SH3RF1: variants seen among roughly 807,000 people sequenced by gnomAD.
SH3RF1 encodes the protein E3 ubiquitin-protein ligase SH3RF1.
Under a neutral mutation model 74.0 loss-of-function variants are expected in SH3RF1, and 32 were observed. The ratio of observed to expected loss-of-function variants is 0.43; its 90% CI spans 0.33 to 0.58. The LOEUF is 0.58. SH3RF1 is among the 20% of genes least tolerant of loss of function. The probability of loss-of-function intolerance (pLI) is 0.05; values close to 1 mark genes in which losing one functional copy is unlikely to be tolerated. For missense variants in SH3RF1, 954 were observed against 1,130.9 expected (o/e 0.84, Z 2.24); for synonymous variants, 396 against 439.6 (o/e 0.90, Z 1.24).
chr4:169,245,801 T>A (rs1730987178), intron 2 of SH3RF1, among the ~76,000 whole-genome samples: 1 of 152,202 alleles, frequency 6.6e-6, no homozygotes, highest in African/African-American at 2.4e-5. Context: ...TAAGTAATTT[T>A]TAATGTTACC....
At chr4:169,145,867 GTATTCTATATAT>G (rs1424857378) in intron 4 of SH3RF1, among the ~76,000 whole-genome samples, 9 of 80,824 alleles carry the variant, frequency 1.1e-4, no homozygotes, top group Non-Finnish European at 2.5e-5. Context: ...TATAAAATAT[GTATTCTATATAT>G]TATTCTATAT....
chr4:169,111,959 T>C (rs1265206131), intron 10 of SH3RF1, among the ~76,000 whole-genome samples: 2 of 152,176 alleles, frequency 1.3e-5, no homozygotes, highest in South Asian at 2.1e-4. Flanking sequence ...AATAAAATAC[T>C]GTTCAAAGGA....
chr4:169,131,722 A>T (rs1174305588), intron 5 of SH3RF1, among the ~76,000 whole-genome samples: 1 of 152,242 alleles, frequency 6.6e-6, no homozygotes, highest in Non-Finnish European at 1.5e-5. Flanking sequence ...TGGGAAACTG[A>T]AAGTACCTCT....
chr4:169,143,753 C>G (rs549909546), intron 4 of SH3RF1, among the ~76,000 whole-genome samples: 7 of 152,150 alleles, frequency 4.6e-5, no homozygotes, highest in African/African-American at 1.7e-4. Context: ...CCTGGCTGCA[C>G]TAGGTTAGGA....
chr4:169,249,026 G>C (rs955786912), intron 2 of SH3RF1, among the ~76,000 whole-genome samples: 7 of 152,108 alleles, frequency 4.6e-5, no homozygotes, highest in African/African-American at 1.7e-4. Context: ...AGGAGATCGA[G>C]ACCATTCTGG....
intron 2 of SH3RF1, among the ~76,000 whole-genome samples, chr4:169,190,017 TCTAA>T (rs892547381): frequency 7.2e-5 from 11 of 152,256 alleles, no homozygotes; most frequent in Admixed American, 5.2e-4. Flanking sequence ...TAAAAATTAT[TCTAA>T]CTGAGTGACA....
intron 2 of SH3RF1, among the ~76,000 whole-genome samples, chr4:169,171,101 G>A (rs1734320252): frequency 6.6e-6 from 1 of 152,206 alleles, no homozygotes; most frequent in African/African-American, 2.4e-5. Flanking sequence ...TAAACAAACT[G>A]TAACCTACTC....
intron 4 of SH3RF1, among the ~76,000 whole-genome samples, chr4:169,145,690 C>T (rs1733864380): frequency 7.2e-6 from 1 of 139,096 alleles, no homozygotes; most frequent in Non-Finnish European, 1.5e-5. Flanking sequence ...CCTCGTGATC[C>T]ACCTGCCTCA....
At chr4:169,193,985 T>C (rs979192648) in intron 2 of SH3RF1, among the ~76,000 whole-genome samples, 2 of 152,156 alleles carry the variant, frequency 1.3e-5, no homozygotes, top group African/African-American at 2.4e-5. Flanking sequence ...GGATAGAGTC[T>C]TTTTTTCATG....
chr4:169,250,543 A>G (rs1731086119), intron 2 of SH3RF1, among the ~76,000 whole-genome samples: 2 of 152,236 alleles, frequency 1.3e-5, no homozygotes, highest in Non-Finnish European at 2.9e-5. Context: ...ATCAAGTATA[A>G]CCATTCACTG....
chr4:169,119,125 A>G (rs761425186), intron 8 of SH3RF1, among the ~76,000 whole-genome samples: 5 of 151,574 alleles, frequency 3.3e-5, no homozygotes, highest in African/African-American at 4.9e-5. Context: ...TTTCCTTAGG[A>G]TGGAGTCTTG....
intron 11 of SH3RF1, among the ~76,000 whole-genome samples, chr4:169,098,591 A>C (rs1200500529): frequency 6.6e-6 from 1 of 152,256 alleles, no homozygotes; most frequent in Admixed American, 6.5e-5. Context: ...CAAGATCTGA[A>C]GCAAAAGCAC....
At chr4:169,268,092 A>C (rs537461928) in intron 2 of SH3RF1, among the ~76,000 whole-genome samples, 1 of 152,180 alleles carries the variant, frequency 6.6e-6, no homozygotes, top group East Asian at 1.9e-4. Flanking sequence ...TAATAAATAC[A>C]GAAATTTTGT....
chr4:169,250,465 T>C (rs1391936444), intron 2 of SH3RF1, among the ~76,000 whole-genome samples: 1 of 152,248 alleles, frequency 6.6e-6, no homozygotes, highest in Non-Finnish European at 1.5e-5. Flanking sequence ...AACATCTGAA[T>C]GAATAACAGT....
chr4:169,151,420 G>A lies in SH3RF1; in HGVS notation c.765+4060C>T, dbSNP rs1733973698. On this transcript the variant is annotated intron_variant, in intron 4 of 11. Coordinates refer to ENST00000284637, the MANE Select transcript of SH3RF1 (RefSeq NM_020870.4). ...TGGAACTTATTATTTTACAAATGAAGAGCCAGGCCCATAGTCACTTAGATA... is the reference window on the plus strand; with the variant it reads ...TGGAACTTATTATTTTACAAATGAAAAGCCAGGCCCATAGTCACTTAGATA... 2.0e-5 allele frequency among the ~76,000 whole-genome samples: 3 copies of A among 152,176 alleles called. No homozygotes were observed. The South Asian group carries it at 6.2e-4, about 32-fold the overall frequency.
chr4:169,218,349 A>AG (rs1294196422), intron 2 of SH3RF1, among the ~76,000 whole-genome samples: 1 of 142,110 alleles, frequency 7.0e-6, no homozygotes, highest in Non-Finnish European at 1.5e-5. Context: ...TATAGAATAT[A>AG]AATATATATT....
chr4:169,251,313 C>A (rs1731100737), intron 2 of SH3RF1, among the ~76,000 whole-genome samples: 1 of 152,174 alleles, frequency 6.6e-6, no homozygotes, highest in African/African-American at 2.4e-5. Context: ...CACGTAAAGT[C>A]ATGTATACAC....
intron 2 of SH3RF1, among the ~76,000 whole-genome samples, chr4:169,167,490 A>G (rs1046837203): frequency 6.6e-6 from 1 of 152,218 alleles, no homozygotes; most frequent in Non-Finnish European, 1.5e-5. Context: ...GATTTGTACA[A>G]AAATGCACAT....
chr4:169,203,037 G>A (rs1222449131), intron 2 of SH3RF1, among the ~76,000 whole-genome samples: 2 of 152,096 alleles, frequency 1.3e-5, no homozygotes, highest in African/African-American at 4.8e-5. Context: ...AGCATGGAAG[G>A]GCTCTGAGAA....
Sources: gnomAD v4.1 joint callset for allele counts (sites outside exome capture counted in the v4.1 genomes callset) on GRCh38, gnomAD v4.1.1 for gene constraint, MANE v1.5 for transcripts, NCBI Gene and HGNC (gene_info 2026-07-23, HGNC 2026-07-21) for gene names.